Variants in ACTN2 observed in about 807,000 individuals in gnomAD.
ACTN2 encodes the protein alpha-actinin-2.
A neutral mutation model predicts 113.8 loss-of-function variants in ACTN2; 39 were observed. The observed-to-expected ratio is 0.34, with a 90% confidence interval of 0.27 to 0.45. The LOEUF is 0.45. Ranked by LOEUF, ACTN2 falls within the 20% of genes least tolerant of loss-of-function variation. The pLI is 1.00. For missense variants in ACTN2, 992 were observed against 1,177.9 expected (o/e 0.84, Z 2.31); for synonymous variants, 429 against 444.1 (o/e 0.97, Z 0.43).
chr1:236,736,108 C>G (rs1412966402), intron 8 of ACTN2, among the ~76,000 whole-genome samples: 1 of 152,244 alleles, frequency 6.6e-6, no homozygotes, highest in African/African-American at 2.4e-5. Context: ...ATTGCCTTCA[C>G]AGTTCCGTGA....
intron 6 of ACTN2, 90 bp from the exon 7 acceptor site, chr1:236,731,143 C>A: frequency 2.1e-6 from 2 of 956,706 alleles, no homozygotes; most frequent in Non-Finnish European, 3.4e-6. Context: ...GGAAGGTGTC[C>A]GGCCTAAAGT....
chr1:236,691,408 C>T (rs1409874516), intron 1 of ACTN2, among the ~76,000 whole-genome samples: 3 of 151,796 alleles, frequency 2.0e-5, no homozygotes. Context: ...TTTGAGAGGC[C>T]AAGGTAGGAA....
chr1:236,739,631 A>C, intron 10 of ACTN2, 99 bp downstream of exon 10: 1 of 1,373,150 alleles, frequency 7.3e-7, no homozygotes, highest in Non-Finnish European at 1.0e-6. Flanking sequence ...GACTTCTTGA[A>C]TCTTTTTAGT....
rs1658885457 is a variant in ACTN2, at chr1:236,736,629, T to C, written c.784-493T>C. On this transcript the variant is annotated intron_variant, in intron 8 of 20. Coordinates refer to ENST00000366578, the MANE Select transcript of ACTN2 (RefSeq NM_001103.4). ...CTCCAGAAAGTTCTACATGTTCATA[T>C]CAGGAGATGAGGAGGTCTTCAGTGA... is the stretch of plus-strand genomic sequence containing the variant. The C allele has an allele frequency of 6.5e-7, 1 of 1,535,486 alleles. No individual in the cohort carries two copies. The highest frequency in any genetic ancestry group is 1.7e-4 in the Middle Eastern group (1 of 5,988).
At chr1:236,722,162 G>C (rs572544444) in intron 4 of ACTN2, among the ~76,000 whole-genome samples, 23 of 152,002 alleles carry the variant, frequency 1.5e-4, no homozygotes, top group African/African-American at 5.3e-4. Flanking sequence ...ATTTGTTTTA[G>C]TTTCATGGAG....
chr1:236,701,424 A>G (rs1657670605), intron 1 of ACTN2, among the ~76,000 whole-genome samples: 1 of 152,210 alleles, frequency 6.6e-6, no homozygotes, highest in Non-Finnish European at 1.5e-5. Flanking sequence ...CTTTTAATTC[A>G]TAAATCTTTT....
At position 236,751,664 on chromosome 1, in the gene ACTN2, AG is replaced by A; in HGVS notation, c.1839+15del. The A allele has an allele frequency of 6.2e-7, 1 of 1,613,836 alleles. No homozygotes were observed. Among genetic ancestry groups the A allele is most frequent in the Non-Finnish European group, 8.5e-7 (1 of 1,179,798 alleles). On this transcript the variant is annotated intron_variant, in intron 15 of 20. Coordinates refer to ENST00000366578, the MANE Select transcript of ACTN2 (RefSeq NM_001103.4). ...CCAAGTGGGACAAGGTGGGTGGCTG[AG>A]GGCCTGGTGTGGGACCAGGGGGCAT...
At chr1:236,735,990 A>G (rs1658862147) in intron 8 of ACTN2, among the ~76,000 whole-genome samples, 1 of 152,208 alleles carries the variant, frequency 6.6e-6, no homozygotes. Flanking sequence ...TTTGTGCTTT[A>G]GAAAAAAAAT....
At position 236,751,493 on chromosome 1, in the gene ACTN2, G is replaced by A. The variant is rs779678728; in HGVS notation, c.1680G>A (p.Gln560=). Residue 560 remains glutamine (Q), a synonymous_variant, in exon 15 of 21, where the codon CAG becomes CAA. Coordinates refer to ENST00000366578, the MANE Select transcript of ACTN2 (RefSeq NM_001103.4). ...EIQSLITAHE[Q]FKATLPEADG... ...AGAGTCTGATCACTGCGCATGAGCA[G>A]TTCAAGGCCACGCTGCCCGAGGCGG... The A allele has an allele frequency of 3.1e-6, 5 of 1,614,114 alleles. No individual in the cohort carries two copies. The South Asian group carries it at 3.3e-5, about 11-fold the overall frequency.
chr1:236,761,430 T>TGC (rs201400656), intron 20 of ACTN2, among the ~76,000 whole-genome samples: 1 of 45,730 alleles, frequency 2.2e-5, no homozygotes, highest in Non-Finnish European at 6.3e-5. Context: ...TATTTGTACT[T>TGC]GCGTGTGTGT....
At position 236,764,439 on chromosome 1, in the gene ACTN2, T is replaced by C. The variant is rs1659789356; in HGVS notation, c.*1820T>C. 1 of 152,170 alleles carries C rather than the reference T, an allele frequency of 6.6e-6. No homozygotes were observed. The highest frequency in any genetic ancestry group is 2.4e-5 in the African/African-American group (1 of 41,434). The allele number at this position is 152,170 out of a possible 1,614,324, so 9.4% of individuals were successfully genotyped here. ...CTCATCTACCTAAACTTTTAATTTC[T>C]TTACAACATTCAGCAAGAGAGGGGG... On this transcript the variant is annotated 3_prime_UTR_variant, in exon 21 of 21. Transcript: ENST00000366578.
chr1:236,736,410 C>G, intron 8 of ACTN2: 1 of 589,762 alleles, frequency 1.7e-6, no homozygotes, highest in South Asian at 2.1e-5. Flanking sequence ...GGCCTGGGGA[C>G]AGGCTGCGGG....
intron 1 of ACTN2, among the ~76,000 whole-genome samples, chr1:236,707,814 C>T (rs188756938): frequency 9.2e-4 from 135 of 146,264 alleles, no homozygotes; most frequent in African/African-American, 3.0e-3. Context: ...TGGGTTCAAG[C>T]GATTCTTCTG....
At chr1:236,711,785 A>G (rs1658034857) in intron 1 of ACTN2, among the ~76,000 whole-genome samples, 1 of 152,182 alleles carries the variant, frequency 6.6e-6, no homozygotes, top group Non-Finnish European at 1.5e-5. Context: ...ATTTATGGCT[A>G]GGTGCAGAGA....
chr1:236,728,525 C>G (rs186073507), intron 6 of ACTN2, among the ~76,000 whole-genome samples: 1 of 152,178 alleles, frequency 6.6e-6, no homozygotes, highest in African/African-American at 2.4e-5. Flanking sequence ...AATTGATTAA[C>G]TCGTCCGTCA....
chr1:236,715,742 A>G (rs757591877), intron 1 of ACTN2, among the ~76,000 whole-genome samples: 1 of 152,050 alleles, frequency 6.6e-6, no homozygotes, highest in African/African-American at 2.4e-5. Flanking sequence ...GATCACCTGA[A>G]GTCAGGAGTT....
chr1:236,730,168 A>C (rs7527224), intron 6 of ACTN2, among the ~76,000 whole-genome samples: 1 of 152,352 alleles, frequency 6.6e-6, no homozygotes, highest in African/African-American at 2.4e-5. Flanking sequence ...TAGGAAATCA[A>C]TACTTAATTG....
At position 236,737,143 on chromosome 1, in the gene ACTN2, A is replaced by G. The variant is rs765161586; in HGVS notation, c.805A>G (p.Ile269Val). ...AEQAETAANR[I>V]CKVLAVNQEN... is the part of the protein sequence containing the mutation. Reference sequence around the variant, plus strand: ...ACAGGCCGAGACAGCGGCTAACAGGATATGTAAGGTTCTTGCTGTGAATCA... The same window carrying G: ...ACAGGCCGAGACAGCGGCTAACAGGGTATGTAAGGTTCTTGCTGTGAATCA... The change falls in exon 9 of 21, where the codon ATA (isoleucine) becomes GTA (valine). Residue 269 changes from isoleucine (I) to valine (V), a missense_variant. Ile to Val is a conservative substitution (Grantham distance 29). Coordinates refer to ENST00000366578, the MANE Select transcript of ACTN2 (RefSeq NM_001103.4). The G allele has an allele frequency of 4.4e-6, 7 of 1,604,904 alleles. No homozygotes were observed. The highest frequency in any genetic ancestry group is 6.0e-6 in the Non-Finnish European group (7 of 1,174,434).
intron 20 of ACTN2, 94 bp downstream of exon 20, chr1:236,761,267 A>AGCCCGTCTCCCTC: frequency 1.4e-6 from 2 of 1,447,582 alleles, no homozygotes; most frequent in Non-Finnish European, 1.9e-6. Flanking sequence ...AACCATTTTT[A>AGCCCGTCTCCCTC]TGCCGGTGTA....
Sources: allele counts gnomAD v4.1 joint callset (sites outside exome capture counted in the v4.1 genomes callset), GRCh38; gene constraint gnomAD v4.1.1; transcripts MANE v1.5; gene names NCBI Gene and HGNC (gene_info 2026-07-23, HGNC 2026-07-21).